HACE1: variants seen among roughly 807,000 people sequenced by gnomAD.
HACE1 encodes the protein E3 ubiquitin-protein ligase HACE1.
Under a neutral mutation model 118.4 loss-of-function variants are expected in HACE1, and 73 were observed. The ratio of observed to expected loss-of-function variants is 0.62; its 90% CI spans 0.51 to 0.75. The LOEUF (loss-of-function observed/expected upper bound fraction) is 0.75, where lower values mean the gene tolerates loss of function less well. HACE1 is among the 30% of genes least tolerant of loss of function. The pLI, the probability that HACE1 is intolerant of heterozygous loss-of-function variation, is 0.00. For missense variants in HACE1, 749 were observed against 1,102.2 expected (o/e 0.68, Z 4.54); for synonymous variants, 368 against 374.8 (o/e 0.98, Z 0.21).
intron 6 of HACE1, among the ~76,000 whole-genome samples, chr6:104,821,045 G>T (rs1269324757): frequency 6.6e-6 from 1 of 152,186 alleles, no homozygotes; most frequent in Non-Finnish European, 1.5e-5. Flanking sequence ...TCAGGGACAT[G>T]AATGGAGCTG....
chr6:104,761,920 T>A (rs1682229373), intron 19 of HACE1, among the ~76,000 whole-genome samples: 1 of 152,188 alleles, frequency 6.6e-6, no homozygotes, highest in Non-Finnish European at 1.5e-5. Flanking sequence ...AAAGAAGACA[T>A]TTATGCACCC....
chr6:104,843,443 A>G, intron 4 of HACE1, 145 bp from the exon 5 acceptor site: 1 of 670,128 alleles, frequency 1.5e-6, no homozygotes, highest in Non-Finnish European at 2.7e-6. Context: ...TATCTGCAAT[A>G]TTTAAACAAA....
chr6:104,777,344 T>C (rs373981165), intron 14 of HACE1, 27 bp from the exon 15 acceptor site: 11 of 1,317,632 alleles, frequency 8.3e-6, no homozygotes, highest in Admixed American at 1.7e-5. Context: ...GAGTAAAATA[T>C]GTTAGCAGTG....
chr6:104,735,456 C>T (rs1315209028), intron 22 of HACE1, among the ~76,000 whole-genome samples: 1 of 152,018 alleles, frequency 6.6e-6, no homozygotes, highest in Non-Finnish European at 1.5e-5. Context: ...CAAGGTGAAA[C>T]CCCGCCTCTA....
intron 7 of HACE1, among the ~76,000 whole-genome samples, chr6:104,808,410 A>T (rs1771254046): frequency 6.6e-6 from 1 of 152,170 alleles, no homozygotes; most frequent in South Asian, 2.1e-4. Flanking sequence ...CACCAGGCAG[A>T]TATCAGCACT....
intron 13 of HACE1, 85 bp downstream of exon 13, chr6:104,784,332 G>C: frequency 1.0e-6 from 1 of 972,042 alleles, no homozygotes; most frequent in African/African-American, 1.6e-5. Context: ...AATAGTACGA[G>C]AAATAGTATT....
rs1455900509 is a variant in HACE1 at position 104,785,043 on chromosome 6, G to A, written c.1351C>T (p.Arg451Trp). ...CQDVISMTAN[R>W]LSAVIQAFYM... Reference sequence around the variant, plus strand: ...AAAGCTTGAATGACAGCACTTAGCCGGTTAGCTGTCATAGAAATAACATCC... The same window carrying A: ...AAAGCTTGAATGACAGCACTTAGCCAGTTAGCTGTCATAGAAATAACATCC... The change falls in exon 12 of 24, where the codon CGG becomes TGG. Residue 451 changes from arginine to tryptophan, a missense_variant. By Grantham distance (101) the Arg-to-Trp change is moderately radical (BLOSUM62 -3). Coordinates refer to ENST00000262903, the MANE Select transcript of HACE1 (RefSeq NM_020771.4). 2.5e-6 allele frequency: 4 copies of A among 1,613,652 alleles called. No individual in the cohort carries two copies. The highest frequency in any genetic ancestry group is 3.4e-6 in the Non-Finnish European group (4 of 1,179,794).
chr6:104,852,687 G>T (rs1212341448), intron 1 of HACE1, among the ~76,000 whole-genome samples: 1 of 152,112 alleles, frequency 6.6e-6, no homozygotes, highest in Non-Finnish European at 1.5e-5. Context: ...GTGTAGTATG[G>T]TAGCCCGCGC....
At chr6:104,835,560 G>T (rs1388311497) in intron 5 of HACE1, among the ~76,000 whole-genome samples, 1 of 151,704 alleles carries the variant, frequency 6.6e-6, no homozygotes, top group Non-Finnish European at 1.5e-5. Flanking sequence ...ATGAGAAAAA[G>T]TAGGAAAATT....
chr6:104,803,040 C>G (rs189665424), intron 7 of HACE1, among the ~76,000 whole-genome samples: 3 of 152,202 alleles, frequency 2.0e-5, no homozygotes, highest in African/African-American at 7.2e-5. Flanking sequence ...GTATCACCAC[C>G]AATCCTACAG....
intron 1 of HACE1, among the ~76,000 whole-genome samples, chr6:104,856,885 A>G (rs1039430475): frequency 3.9e-5 from 6 of 152,152 alleles, no homozygotes; most frequent in Non-Finnish European, 7.3e-5. Flanking sequence ...TCAGGTTTTC[A>G]TCATCTCAAG....
intron 7 of HACE1, among the ~76,000 whole-genome samples, chr6:104,804,086 C>T (rs1223073671): frequency 6.6e-6 from 1 of 151,984 alleles, no homozygotes; most frequent in Admixed American, 6.6e-5. Context: ...AAACAGAGAG[C>T]CAAATCATGA....
chr6:104,742,033 C>T (rs1325262865), intron 22 of HACE1, among the ~76,000 whole-genome samples: 1 of 146,382 alleles, frequency 6.8e-6, no homozygotes, highest in Non-Finnish European at 1.5e-5. Context: ...TGATCTTTGA[C>T]AAACCTGAGA....
chr6:104,785,560 A>C (rs1378027485), intron 11 of HACE1: 2 of 427,016 alleles, frequency 4.7e-6, no homozygotes, highest in African/African-American at 4.0e-5. Flanking sequence ...ATTCCTTGTA[A>C]TAAAAAGGAA....
chr6:104,784,951 A>AG lies in HACE1; in HGVS notation c.1409+33dup, dbSNP rs960410175. 24 of 1,317,428 alleles carry AG rather than the reference A, an allele frequency of 1.8e-5. No individual in the cohort carries two copies. The African/African-American group carries it at 2.0e-4, about 11-fold the overall frequency. 81.6% of individuals were successfully genotyped at this position (1,317,428 alleles called of 1,614,324 possible). A position where few individuals can be genotyped will look rare whatever the true frequency, so the allele number is the denominator to read the frequency against. The stretch of plus-strand genomic sequence containing the variant: ...ATCACTGCTTTTCATCATCTATCAG[A>AG]GAAAAAAAAAATAATAAGCCAAAAC... On this transcript the variant is annotated intron_variant, in intron 12 of 23. Transcript: ENST00000262903.
In HACE1 at chr6:104,785,247, T is replaced by C; in HGVS notation, c.1147A>G (p.Arg383Gly). ...ATAGAAGTGATCTCTGTTGAGTCTC[T>C]TTTGTTTTTCATCAATTCTGTGGCT... ...LIATELMKNK[R>G]DSTEITSILL... Residue 383 changes from arginine to glycine, a missense_variant, in exon 12 of 24, where the codon AGA becomes GGA. Physicochemically the swap from Arg to Gly is moderately radical, Grantham distance 125 (BLOSUM62 -2). Around this residue, in one of 5 missense-constraint regions of HACE1, gnomAD observed 267 missense variants for 312.2 expected, o/e 0.86. Transcript: ENST00000262903. 1 of 1,613,078 alleles carries C rather than the reference T, an allele frequency of 6.2e-7. No homozygotes were observed. The highest frequency in any genetic ancestry group is 8.5e-7 in the Non-Finnish European group (1 of 1,179,068).
rs199554586 is a variant in HACE1, at chr6:104,771,988, C to T, written c.1951G>A (p.Ala651Thr). The T allele has an allele frequency of 4.8e-5, 78 of 1,609,566 alleles. 1 individual carries two copies. The East Asian group carries it at 7.4e-4, about 15-fold the overall frequency. ...FRFAGQILGLALNHRQLVNIY... is the reference protein window; with the variant it reads ...FRFAGQILGLTLNHRQLVNIY... ...TTGACCAGCTGCCTGTGGTTCAACG[C>T]TAATCCCAAGATCTGCCCAGCAAAC... The change falls in exon 18 of 24, where the codon GCG becomes ACG. Residue 651 changes from alanine (A) to threonine (T), a missense_variant. Ala to Thr is a moderately conservative substitution (Grantham distance 58). This residue lies in a region of HACE1 where 195 missense variants were observed against 322.1 expected (regional missense o/e 0.61). Transcript: ENST00000262903.
intron 20 of HACE1, among the ~76,000 whole-genome samples, chr6:104,747,651 A>G (rs1375800566): frequency 6.6e-6 from 1 of 152,060 alleles, no homozygotes; most frequent in Non-Finnish European, 1.5e-5. Flanking sequence ...ATAGCCTATC[A>G]CTAACACATG....
intron 10 of HACE1, among the ~76,000 whole-genome samples, chr6:104,792,990 C>T (rs1168644494): frequency 4.6e-5 from 7 of 152,106 alleles, no homozygotes; most frequent in Admixed American, 6.5e-5. Context: ...TTGCTTTTGC[C>T]GGGCGTGGTG....
Sources: gnomAD v4.1 joint callset for allele counts (sites outside exome capture counted in the v4.1 genomes callset) on GRCh38, gnomAD v4.1.1 for gene constraint, gnomAD v4.1.1 regional missense constraint, MANE v1.5 for transcripts, NCBI Gene and HGNC (gene_info 2026-07-23, HGNC 2026-07-21) for gene names.